Variants in LDLRAD3 observed in about 807,000 individuals in gnomAD.
LDLRAD3 encodes the protein low density lipoprotein receptor class A domain containing 3.
LDLRAD3 carries 20 observed loss-of-function variants against 29.4 expected under a neutral mutation model. That is an observed-to-expected ratio of 0.68 (90% CI 0.48 to 0.99). LDLRAD3 has a LOEUF of 0.99. Among genes scored for constraint, LDLRAD3 ranks in the 50% least tolerant of loss-of-function variants. LDLRAD3 has a pLI of 0.00. For missense variants in LDLRAD3, 420 were observed against 454.3 expected, an observed-to-expected ratio of 0.92 and a Z score of 0.69; for synonymous variants, 157 against 192.7, an observed-to-expected ratio of 0.81 and a Z score of 1.53.
At chr11:36,087,535 A>G (rs1853213890) in intron 3 of LDLRAD3, among the ~76,000 whole-genome samples, 1 of 152,228 alleles carries the variant, frequency 6.6e-6, no homozygotes, top group Non-Finnish European at 1.5e-5. Context: ...CCATAATGAA[A>G]TGGTGAGAAG....
At chr11:36,156,319 A>C (rs978825053) in intron 4 of LDLRAD3, among the ~76,000 whole-genome samples, 10 of 152,172 alleles carry the variant, frequency 6.6e-5, no homozygotes, top group Admixed American at 5.9e-4. Context: ...GCACATACAC[A>C]TTGTCACTGC....
chr11:36,187,318 A>G (rs1854865998), intron 4 of LDLRAD3, among the ~76,000 whole-genome samples: 2 of 152,212 alleles, frequency 1.3e-5, no homozygotes, highest in Admixed American at 6.5e-5. Flanking sequence ...GTGAAAATGC[A>G]ACCAGACTTT....
At chr11:36,164,545 T>C (rs898100229) in intron 4 of LDLRAD3, among the ~76,000 whole-genome samples, 1 of 152,240 alleles carries the variant, frequency 6.6e-6, no homozygotes, top group Non-Finnish European at 1.5e-5. Context: ...GTGGGGATGA[T>C]TGCTGGCAAG....
At chr11:36,226,092 A>AATAC (rs1381753155) in intron 4 of LDLRAD3, among the ~76,000 whole-genome samples, 2 of 151,902 alleles carry the variant, frequency 1.3e-5, no homozygotes, top group Non-Finnish European at 2.9e-5. Context: ...TAAATAAATA[A>AATAC]ATAATGAATC....
intron 5 of LDLRAD3, among the ~76,000 whole-genome samples, chr11:36,228,576 G>T (rs982527808): frequency 3.9e-5 from 6 of 152,220 alleles, no homozygotes; most frequent in Middle Eastern, 3.2e-3. Context: ...CATTAAATAA[G>T]GTAAGGAATG....
chr11:36,163,059 T>C (rs184506319), intron 4 of LDLRAD3, among the ~76,000 whole-genome samples: 39 of 152,346 alleles, frequency 2.6e-4, no homozygotes, highest in Admixed American at 2.4e-3. Flanking sequence ...GGGTGTTTGA[T>C]ATCAGGGTAA....
intron 4 of LDLRAD3, among the ~76,000 whole-genome samples, chr11:36,185,175 G>A (rs1271824337): frequency 6.6e-6 from 1 of 152,140 alleles, no homozygotes; most frequent in East Asian, 1.9e-4. Context: ...ATGTTGGAGA[G>A]ACAAAACTGA....
chr11:36,145,028 G>A (rs1391288166), intron 4 of LDLRAD3, among the ~76,000 whole-genome samples: 1 of 109,698 alleles, frequency 9.1e-6, no homozygotes, highest in African/African-American at 3.5e-5. Context: ...GGGAGGTGAG[G>A]GGCGCCTCTG....
chr11:36,014,729 A>G (rs778891965), intron 1 of LDLRAD3, among the ~76,000 whole-genome samples: 20 of 152,242 alleles, frequency 1.3e-4, no homozygotes, highest in Non-Finnish European at 2.1e-4. Flanking sequence ...AGGTTCAGAC[A>G]TCTCCCTTGG....
Position 36,096,968 on chromosome 11 carries a change from G to C in LDLRAD3, c.320-1359G>C, listed in dbSNP as rs181849520. Reference sequence around the variant, plus strand: ...ACTAGTTATTGAAAACAGAGCCCTGGAATGAACCTTGTTTGAATCACACTG... The same window carrying C: ...ACTAGTTATTGAAAACAGAGCCCTGCAATGAACCTTGTTTGAATCACACTG... On this transcript the variant is annotated intron_variant, in intron 3 of 5. Transcript: ENST00000315571. Among the ~76,000 whole-genome samples the C allele has an allele frequency of 2.4e-4, 37 of 152,348 alleles. No individual in the cohort carries two copies. The East Asian group carries it at 6.6e-3, about 27-fold the overall frequency.
chr11:36,065,892 A>G (rs1852784084), intron 2 of LDLRAD3, among the ~76,000 whole-genome samples: 1 of 152,176 alleles, frequency 6.6e-6, no homozygotes, highest in African/African-American at 2.4e-5. Flanking sequence ...GCCTCTAGAG[A>G]GCTCATCAGA....
chr11:36,088,245 C>G (rs1196663338), intron 3 of LDLRAD3, among the ~76,000 whole-genome samples: 1 of 152,080 alleles, frequency 6.6e-6, no homozygotes, highest in Non-Finnish European at 1.5e-5. Flanking sequence ...TGTTTGGCCT[C>G]TTTCTTCCGC....
intron 2 of LDLRAD3, among the ~76,000 whole-genome samples, chr11:36,053,558 A>T (rs7931134): frequency 6.6e-6 from 1 of 152,254 alleles, no homozygotes; most frequent in East Asian, 1.9e-4. Flanking sequence ...AAGGATGTAT[A>T]CAAAGTGCTT....
intron 4 of LDLRAD3, among the ~76,000 whole-genome samples, chr11:36,209,891 T>C (rs756451714): frequency 6.6e-6 from 1 of 152,220 alleles, no homozygotes; most frequent in Non-Finnish European, 1.5e-5. Context: ...CCTGTACTAT[T>C]CCTGGAAGGC....
intron 1 of LDLRAD3, among the ~76,000 whole-genome samples, chr11:36,004,990 A>C (rs894061353): frequency 6.6e-6 from 1 of 151,648 alleles, no homozygotes; most frequent in African/African-American, 2.4e-5. Flanking sequence ...TCACAAAACC[A>C]TTTTTCCCTC....
chr11:36,029,242 TCAAAA>T (rs1371027166), intron 1 of LDLRAD3, among the ~76,000 whole-genome samples: 13 of 115,612 alleles, frequency 1.1e-4, no homozygotes, highest in Non-Finnish European at 2.6e-4. Context: ...AGACTCCATC[TCAAAA>T]CAAACAAACA....
At chr11:36,146,196 C>T (rs1854191576) in intron 4 of LDLRAD3, among the ~76,000 whole-genome samples, 2 of 152,126 alleles carry the variant, frequency 1.3e-5, no homozygotes, top group Non-Finnish European at 2.9e-5. Flanking sequence ...AGTTGTCACC[C>T]ATAAAATCAG....
At chr11:36,224,280 A>T (rs1336922166) in intron 4 of LDLRAD3, among the ~76,000 whole-genome samples, 2 of 152,060 alleles carry the variant, frequency 1.3e-5, no homozygotes, top group African/African-American at 4.8e-5. Flanking sequence ...TTCACAGACG[A>T]GGAGGGTGAG....
chr11:36,002,948 A>C (rs1431898890), intron 1 of LDLRAD3, among the ~76,000 whole-genome samples: 2 of 152,252 alleles, frequency 1.3e-5, no homozygotes, highest in African/African-American at 4.8e-5. Flanking sequence ...GCTTTCTGGC[A>C]TATAGAGTAA....
Sources: allele counts gnomAD v4.1 joint callset (sites outside exome capture counted in the v4.1 genomes callset), GRCh38; gene constraint gnomAD v4.1.1; transcripts MANE v1.5; gene names NCBI Gene and HGNC (gene_info 2026-07-23, HGNC 2026-07-21).